STX12: variants seen among roughly 807,000 people sequenced by gnomAD.
STX12 encodes the protein syntaxin 12.
Under a neutral mutation model 42.2 loss-of-function variants are expected in STX12, and 17 were observed. That is an observed-to-expected ratio of 0.40 (90% CI 0.28 to 0.60). STX12 has a LOEUF of 0.60. STX12 is among the 20% of genes least tolerant of loss of function. STX12 has a pLI of 0.39. For synonymous variants in STX12, 108 were observed against 116.7 expected (o/e 0.93, Z 0.48); for missense variants, 297 against 330.9 (o/e 0.90, Z 0.79).
chr1:27,800,502 T>C (rs1235223751), intron 3 of STX12, among the ~76,000 whole-genome samples: 1 of 147,604 alleles, frequency 6.8e-6, no homozygotes, highest in African/African-American at 2.6e-5. Context: ...TGTGTGTGTG[T>C]GTGTGTGTGT....
intron 1 of STX12, 127 bp downstream of exon 1, chr1:27,773,552 A>T: frequency 1.2e-6 from 1 of 810,410 alleles, no homozygotes; most frequent in Non-Finnish European, 1.9e-6. Context: ...CGGGCTGTCC[A>T]CCCTGGGGGC....
intron 1 of STX12, among the ~76,000 whole-genome samples, chr1:27,775,817 A>G (rs1441057327): frequency 6.6e-6 from 1 of 152,196 alleles, no homozygotes; most frequent in African/African-American, 2.4e-5. Flanking sequence ...TAAAGAGGAG[A>G]AGAGCATTCC....
intron 2 of STX12, among the ~76,000 whole-genome samples, chr1:27,790,045 C>G (rs953183393): frequency 6.6e-6 from 1 of 151,990 alleles, no homozygotes; most frequent in Non-Finnish European, 1.5e-5. Context: ...TGGGTTCAAC[C>G]AACCACAGAT....
rs1235099672 is a variant in STX12, at chr1:27,823,955, C to T, written c.*1626C>T. The T allele has an allele frequency of 1.3e-5, 2 of 151,962 alleles. No individual in the cohort carries two copies. Among genetic ancestry groups the T allele is most frequent in the Non-Finnish European group, 2.9e-5 (2 of 68,036 alleles). The allele number at this position is 151,962 out of a possible 1,614,324, so 9.4% of individuals were successfully genotyped here. On this transcript the variant is annotated 3_prime_UTR_variant, in exon 9 of 9. Coordinates refer to ENST00000373943, the MANE Select transcript of STX12 (RefSeq NM_177424.3). ...AGATGGCTGAGTGCAATGGCTCACA[C>T]TTGTAATCCCAACACTTTGGAAGGC...
At chr1:27,776,482 A>G (rs7533700) in intron 1 of STX12, among the ~76,000 whole-genome samples, 26,041 of 152,004 alleles carry the variant, frequency 0.17, 5,954 homozygotes, top group African/African-American at 0.52. Context: ...AGGAGGCCAA[A>G]GAGGGAGGAT....
intron 4 of STX12, among the ~76,000 whole-genome samples, chr1:27,804,504 T>C (rs2088847967): frequency 6.6e-6 from 1 of 150,426 alleles, no homozygotes; most frequent in Non-Finnish European, 1.5e-5. Context: ...TAGTCTGTTC[T>C]CACTCTGCTA....
chr1:27,809,958 A>T (rs1472024470), intron 4 of STX12: 1 of 247,232 alleles, frequency 4.0e-6, no homozygotes, highest in Non-Finnish European at 7.7e-6. Context: ...AAATTTTAAA[A>T]TATTTTATTG....
chr1:27,781,772 A>G (rs1236303621), intron 1 of STX12, among the ~76,000 whole-genome samples: 4 of 152,130 alleles, frequency 2.6e-5, no homozygotes, highest in African/African-American at 4.8e-5. Flanking sequence ...TGCATTATAC[A>G]TTTGTCTTTA....
At position 27,819,668 on chromosome 1, in the gene STX12, TG is replaced by T. The variant is rs2088971219; in HGVS notation, c.670del (p.Glu224LysfsTer37). 6.2e-7 allele frequency: 1 copy of T among 1,613,744 alleles called. No individual in the cohort carries two copies. The highest frequency in any genetic ancestry group is 1.3e-5 in the African/African-American group (1 of 74,922). ...TTTGCAGATAGCATAGAAGCCAATGTGGAAAGCTCAGAGGTGCACGTCGAAA... is the reference window on the plus strand; with the variant it reads ...TTTGCAGATAGCATAGAAGCCAATGTGAAAGCTCAGAGGTGCACGTCGAAA... Reference protein sequence around the residue: ...GDLIDSIEANVESSEVHVERA... With the variant: ...GDLIDSIEANXESSEVHVERA... On this transcript the variant is annotated frameshift_variant, in exon 8 of 9. Transcript: ENST00000373943. LOFTEE classifies it high-confidence loss of function.
intron 4 of STX12, among the ~76,000 whole-genome samples, chr1:27,808,551 G>A (rs2088880719): frequency 6.6e-6 from 1 of 151,950 alleles, no homozygotes. Flanking sequence ...ATGTTGGCCA[G>A]GCTGGTCACA....
At chr1:27,813,805 A>T (rs771890784) in intron 6 of STX12, among the ~76,000 whole-genome samples, 1 of 152,226 alleles carries the variant, frequency 6.6e-6, no homozygotes, top group Admixed American at 6.5e-5. Flanking sequence ...GGCCCTGGGC[A>T]TGGGTATTTT....
chr1:27,818,076 GA>G (rs1288648597), intron 7 of STX12, 153 bp downstream of exon 7: 1 of 572,218 alleles, frequency 1.7e-6, no homozygotes. Context: ...TCTTAAAAAA[GA>G]AAGAAAGAAA....
chr1:27,792,122 ATATATC>A (rs1446092380), intron 2 of STX12, among the ~76,000 whole-genome samples: 10 of 138,098 alleles, frequency 7.2e-5, no homozygotes, highest in African/African-American at 2.8e-4. Flanking sequence ...AATATATAAT[ATATATC>A]TATATATGTA....
At chr1:27,808,311 T>A (rs187362736) in intron 4 of STX12, among the ~76,000 whole-genome samples, 122 of 144,236 alleles carry the variant, frequency 8.5e-4, no homozygotes, top group Middle Eastern at 3.6e-3. Flanking sequence ...TTGCTTTGTT[T>A]TTTATTTATT....
intron 1 of STX12, among the ~76,000 whole-genome samples, chr1:27,782,722 G>T (rs2088676761): frequency 6.6e-6 from 1 of 152,142 alleles, no homozygotes. Context: ...TGTAATCCCA[G>T]CTACTTGGGA....
chr1:27,822,281 T>G lies in STX12; in HGVS notation c.783T>G (p.Ile261Met). Residue 261 changes from isoleucine (I) to methionine (M), a missense_variant, in exon 9 of 9, where the codon ATT becomes ATG. Physicochemically the swap from Ile to Met is conservative, Grantham distance 10. Transcript: ENST00000373943. ...TCCTGGTGCTTGTCCTGTCAGTGATTATTCTAATCTTGGGACTTATTATCT... is the reference window on the plus strand; with the variant it reads ...TCCTGGTGCTTGTCCTGTCAGTGATGATTCTAATCTTGGGACTTATTATCT... ...MCILVLVLSVIILILGLIIWL... is the reference protein window; with the variant it reads ...MCILVLVLSVMILILGLIIWL... The G allele has an allele frequency of 6.2e-7, 1 of 1,613,884 alleles. No homozygotes were observed. Among genetic ancestry groups the G allele is most frequent in the South Asian group, 1.1e-5 (1 of 91,072 alleles).
Position 27,781,375 on chromosome 1 carries a change from C to T in STX12, c.118+7950C>T, listed in dbSNP as rs576219095. Among the ~76,000 whole-genome samples the T allele has an allele frequency of 2.0e-5, 3 of 152,214 alleles. No individual in the cohort carries two copies. The South Asian group carries it at 6.2e-4, about 32-fold the overall frequency. On this transcript the variant is annotated intron_variant, in intron 1 of 8. Transcript: ENST00000373943. Reference sequence around the variant, plus strand: ...GTGACATTATTAATACTTGTTGAATCCCTTGCCCTGCAATAGTTTAATAGT... The same window carrying T: ...GTGACATTATTAATACTTGTTGAATTCCTTGCCCTGCAATAGTTTAATAGT...
At chr1:27,784,274 G>A (rs2088686700) in intron 1 of STX12, among the ~76,000 whole-genome samples, 1 of 152,112 alleles carries the variant, frequency 6.6e-6, no homozygotes, top group African/African-American at 2.4e-5. Flanking sequence ...AGGCTGGAGT[G>A]CAGTGGCATG....
chr1:27,780,746 A>G (rs1352944559), intron 1 of STX12, among the ~76,000 whole-genome samples: 44 of 151,922 alleles, frequency 2.9e-4, no homozygotes, highest in African/African-American at 9.7e-4. Flanking sequence ...GAGCTCAGAA[A>G]TTTGAGACCA....
Sources: gnomAD v4.1 joint callset for allele counts (sites outside exome capture counted in the v4.1 genomes callset) on GRCh38, gnomAD v4.1.1 for gene constraint, MANE v1.5 for transcripts, NCBI Gene and HGNC (gene_info 2026-07-23, HGNC 2026-07-21) for gene names.